Variants in VPS41 observed in about 807,000 individuals in gnomAD.
VPS41 encodes VPS41 subunit of HOPS complex.
Under a neutral mutation model 130.9 loss-of-function variants are expected in VPS41, and 85 were observed. The observed-to-expected ratio is 0.65, with a 90% CI of 0.55 to 0.78. The LOEUF is 0.78. Ranked by LOEUF, VPS41 falls within the 30% of genes least tolerant of loss-of-function variation. The probability of loss-of-function intolerance (pLI) is 0.00; values close to 1 mark genes in which losing one functional copy is unlikely to be tolerated. For missense variants in VPS41, 874 were observed against 1,018.7 expected (o/e 0.86, Z 1.93); for synonymous variants, 335 against 332.9 (o/e 1.01, Z -0.07).
chr7:38,749,942 A>AGCTT (rs1796060575), intron 22 of VPS41, among the ~76,000 whole-genome samples: 1 of 152,178 alleles, frequency 6.6e-6, no homozygotes, highest in Admixed American at 6.5e-5. Flanking sequence ...AGCTTACTGT[A>AGCTT]ACCTCAAACT....
intron 2 of VPS41, among the ~76,000 whole-genome samples, 170 bp from the exon 3 acceptor site, chr7:38,869,423 A>G (rs188699365): frequency 1.9e-3 from 284 of 152,342 alleles, no homozygotes; most frequent in African/African-American, 6.5e-3. Context: ...AGGTATATCA[A>G]TTGCTGTAAC....
chr7:38,841,579 T>C (rs1785608758), intron 4 of VPS41, among the ~76,000 whole-genome samples: 1 of 152,188 alleles, frequency 6.6e-6, no homozygotes, highest in African/African-American at 2.4e-5. Flanking sequence ...CCCACTTCTC[T>C]TCATTTCCTT....
chr7:38,761,242 T>TC (rs1196020730), intron 17 of VPS41, among the ~76,000 whole-genome samples: 3 of 78,378 alleles, frequency 3.8e-5, no homozygotes, highest in Admixed American at 1.9e-4. Flanking sequence ...TTTCTTTGTT[T>TC]TTCTCTCTCT....
At chr7:38,729,635 C>T (rs1038047029) in intron 25 of VPS41, among the ~76,000 whole-genome samples, 6 of 152,192 alleles carry the variant, frequency 3.9e-5, no homozygotes, top group African/African-American at 1.4e-4. Context: ...TGACAAGAGA[C>T]ATCACAATGC....
chr7:38,767,655 A>G (rs1784075106), intron 14 of VPS41, 57 bp from the exon 15 acceptor site: 2 of 1,363,694 alleles, frequency 1.5e-6, no homozygotes, highest in Non-Finnish European at 2.1e-6. Flanking sequence ...TGAAAAGTTG[A>G]GTCTCGGTTT....
At chr7:38,775,761 G>C (rs1784247157) in intron 11 of VPS41, 1 of 151,172 alleles carries the variant, frequency 6.6e-6, no homozygotes, top group Admixed American at 6.6e-5. Context: ...AAACGCTCAA[G>C]AGCAGCTACC....
chr7:38,795,495 T>G lies in VPS41; in HGVS notation c.687A>C (p.Thr229=), dbSNP rs1391718331. 6.2e-7 allele frequency: 1 copy of G among 1,612,970 alleles called. No homozygotes were observed. Residue 229 remains threonine, a synonymous_variant, in exon 9 of 29, where the codon ACA becomes ACC. Transcript: ENST00000310301. ...CAGAAGTCCCCCAGCCAATAATCAG[T>G]GTCACATTGTCCTTCCAGCAGAGGC... ...PCSLCWKDNV[T]LIIGWGTSVK... is the part of the protein sequence containing the mutation.
At position 38,732,420 on chromosome 7, in the gene VPS41, G is replaced by T. The variant is rs77706384; in HGVS notation, c.2260-3629C>A. On this transcript the variant is annotated intron_variant, in intron 25 of 28. Coordinates refer to ENST00000310301, the MANE Select transcript of VPS41 (RefSeq NM_014396.4). ...TTTTATACTCCCACATATTAAGTTGGATATCTAATAAAAATATCTTCCCTC... is the reference window on the plus strand; with the variant it reads ...TTTTATACTCCCACATATTAAGTTGTATATCTAATAAAAATATCTTCCCTC... Among the ~76,000 whole-genome samples the T allele has an allele frequency of 7.9e-3, 1,196 of 152,126 alleles. 16 individuals are homozygous for T. Among genetic ancestry groups the T allele is most frequent in the African/African-American group, 0.027 (1,108 of 41,510 alleles).
chr7:38,902,902 C>T (rs1388682197), intron 1 of VPS41, among the ~76,000 whole-genome samples: 1 of 152,168 alleles, frequency 6.6e-6, no homozygotes, highest in African/African-American at 2.4e-5. Flanking sequence ...ACTGCCTTGT[C>T]CTACAAGTTC....
At chr7:38,903,532 G>A (rs1787189607) in intron 1 of VPS41, among the ~76,000 whole-genome samples, 2 of 152,162 alleles carry the variant, frequency 1.3e-5, no homozygotes, top group African/African-American at 4.8e-5. Flanking sequence ...AAAGAGCAGA[G>A]ACCAGGCTCC....
chr7:38,766,074 A>C (rs1784036920), intron 15 of VPS41, among the ~76,000 whole-genome samples: 1 of 152,260 alleles, frequency 6.6e-6, no homozygotes, highest in Non-Finnish European at 1.5e-5. Flanking sequence ...TATGCACTAC[A>C]AAATCAGACT....
At chr7:38,849,626 C>T (rs1057505224) in intron 4 of VPS41, among the ~76,000 whole-genome samples, 1 of 152,150 alleles carries the variant, frequency 6.6e-6, no homozygotes, top group African/African-American at 2.4e-5. Context: ...CGGTGTCTGC[C>T]GGTGCCTGCT....
At chr7:38,816,035 G>C (rs1562596600) in intron 7 of VPS41, among the ~76,000 whole-genome samples, 2 of 152,004 alleles carry the variant, frequency 1.3e-5, no homozygotes, top group Non-Finnish European at 2.9e-5. Flanking sequence ...AACCCAAAAA[G>C]TGTTTAGTGA....
chr7:38,725,950 ATTCAT>A lies in VPS41; in HGVS notation c.*291_*295del. The A allele has an allele frequency of 4.1e-6, 1 of 241,402 alleles. No homozygotes were observed. The highest frequency in any genetic ancestry group is 7.9e-6 in the Non-Finnish European group (1 of 126,522). 15.0% of individuals were successfully genotyped at this position (241,402 alleles called of 1,614,324 possible). A position where few individuals can be genotyped will look rare whatever the true frequency, so the allele number is the denominator to read the frequency against. ...AAATGGTTTTACTAAGGTCTAAAAA[ATTCAT>A]TTCTAACTCCTAGACTTATGTTTCC... On this transcript the variant is annotated 3_prime_UTR_variant, in exon 29 of 29. Coordinates refer to ENST00000310301, the MANE Select transcript of VPS41 (RefSeq NM_014396.4).
chr7:38,854,841 A>C (rs1785944306), intron 4 of VPS41, among the ~76,000 whole-genome samples: 1 of 59,346 alleles, frequency 1.7e-5, no homozygotes, highest in African/African-American at 8.4e-5. Flanking sequence ...CCGTACGTTC[A>C]AGAAGTGGAG....
chr7:38,780,254 T>A (rs535275081), intron 10 of VPS41, among the ~76,000 whole-genome samples: 1 of 151,536 alleles, frequency 6.6e-6, no homozygotes, highest in South Asian at 2.1e-4. Context: ...GACAGTGGCT[T>A]TACTTCAGAT....
At chr7:38,891,411 T>TG (rs1477928697) in intron 2 of VPS41, among the ~76,000 whole-genome samples, 1 of 152,292 alleles carries the variant, frequency 6.6e-6, no homozygotes, top group African/African-American at 2.4e-5. Flanking sequence ...ATGGATTTTG[T>TG]GGGGTAGAGA....
At position 38,811,537 on chromosome 7, in the gene VPS41, T is replaced by A. The variant is rs37475; in HGVS notation, c.450+6280A>T. On this transcript the variant is annotated intron_variant, in intron 7 of 28. Coordinates refer to ENST00000310301, the MANE Select transcript of VPS41 (RefSeq NM_014396.4). ...GTAAAATAAATTATAATGGCTTTTT[T>A]AAATAAATTATTCTAAATCACAAAC... Among the ~76,000 whole-genome samples, 1,116 of 152,038 alleles carry A rather than the reference T, an allele frequency of 7.3e-3. 9 individuals are homozygous for A. Among genetic ancestry groups the A allele is most frequent in the Middle Eastern group, 0.024 (7 of 294 alleles).
intron 4 of VPS41, among the ~76,000 whole-genome samples, chr7:38,855,589 C>G (rs899171750): frequency 3.9e-5 from 6 of 152,040 alleles, no homozygotes; most frequent in Non-Finnish European, 5.9e-5. Flanking sequence ...GGGAAGTGCC[C>G]TAATAAGAAT....
Sources: allele counts gnomAD v4.1 joint callset (sites outside exome capture counted in the v4.1 genomes callset), GRCh38; gene constraint gnomAD v4.1.1; transcripts MANE v1.5; gene names NCBI Gene and HGNC (gene_info 2026-07-23, HGNC 2026-07-21).